CSMD1: variants seen among roughly 807,000 people sequenced by gnomAD.
CSMD1 encodes CUB and Sushi multiple domains 1, also known as CUB and sushi domain-containing protein 1.
A neutral mutation model predicts 417.5 loss-of-function variants in CSMD1; 213 were observed. The observed-to-expected ratio is 0.51, with a 90% CI of 0.46 to 0.57. The LOEUF is 0.57. Ranked by LOEUF, CSMD1 falls within the 20% of genes least tolerant of loss-of-function variation. CSMD1 has a pLI of 0.00. For missense variants in CSMD1, 6,923 were observed against 4,529.7 expected (o/e 1.53, Z -15.17); for synonymous variants, 2,862 against 1,736.8 (o/e 1.65, Z -16.11).
intron 10 of CSMD1, among the ~76,000 whole-genome samples, chr8:3,527,214 A>T (rs1797789057): frequency 6.6e-6 from 1 of 152,160 alleles, no homozygotes; most frequent in Non-Finnish European, 1.5e-5. Flanking sequence ...ATTTTCCACT[A>T]CTCAGAACCA....
chr8:4,806,033 G>A lies in CSMD1; in HGVS notation c.86-168475C>T, dbSNP rs1798566410. Among the ~76,000 whole-genome samples the A allele has an allele frequency of 1.3e-5, 2 of 152,136 alleles. 1 individual carries two copies. Among genetic ancestry groups the A allele is most frequent in the Non-Finnish European group, 2.9e-5 (2 of 68,024 alleles). On this transcript the variant is annotated intron_variant, in intron 1 of 69. Transcript: ENST00000635120. ...ATTATCTGAGTCCTCCCATGAAACA[G>A]ACAGTGAGATGACGGAAACCCGGAT...
chr8:4,308,002 A>C (rs1009950993), intron 3 of CSMD1, among the ~76,000 whole-genome samples: 9 of 152,142 alleles, frequency 5.9e-5, no homozygotes, highest in African/African-American at 1.9e-4. Context: ...GCTGGGATGT[A>C]AACAGTGATG....
intron 6 of CSMD1, among the ~76,000 whole-genome samples, chr8:3,752,936 C>A (rs1036481406): frequency 6.6e-6 from 1 of 152,250 alleles, no homozygotes; most frequent in Non-Finnish European, 1.5e-5. Flanking sequence ...GATATTTAGA[C>A]CAGTTTGTTG....
intron 1 of CSMD1, among the ~76,000 whole-genome samples, chr8:4,983,827 G>C (rs1043560103): frequency 3.2e-5 from 3 of 94,940 alleles, no homozygotes; most frequent in Non-Finnish European, 6.2e-5. Flanking sequence ...GGAGAGATTG[G>C]GTGATCAACA....
chr8:4,806,393 G>T (rs1286858647), intron 1 of CSMD1, among the ~76,000 whole-genome samples: 1 of 152,080 alleles, frequency 6.6e-6, no homozygotes. Flanking sequence ...GCCTGTGGAT[G>T]AAGCAAAGTT....
At chr8:4,969,887 A>C (rs1464661630) in intron 1 of CSMD1, among the ~76,000 whole-genome samples, 1 of 152,174 alleles carries the variant, frequency 6.6e-6, no homozygotes, top group Non-Finnish European at 1.5e-5. Context: ...CGAGTGTATC[A>C]AAATAAAGGT....
At chr8:3,191,334 T>C (rs974196712) in intron 33 of CSMD1, among the ~76,000 whole-genome samples, 4 of 152,132 alleles carry the variant, frequency 2.6e-5, no homozygotes, top group African/African-American at 9.7e-5. Flanking sequence ...CACATGTCTG[T>C]AATCCCAGCT....
chr8:3,588,409 C>T (rs760236659), intron 8 of CSMD1, among the ~76,000 whole-genome samples: 1 of 152,032 alleles, frequency 6.6e-6, no homozygotes, highest in Admixed American at 6.6e-5. Flanking sequence ...TTCAGTGTGG[C>T]CACTTCTTCA....
intron 1 of CSMD1, among the ~76,000 whole-genome samples, chr8:4,639,876 T>G (rs1803086934): frequency 6.6e-6 from 1 of 152,162 alleles, no homozygotes; most frequent in Non-Finnish European, 1.5e-5. Context: ...AAAAAGCCCA[T>G]TTTCCACTAA....
At chr8:4,973,021 T>A (rs1810334124) in intron 1 of CSMD1, among the ~76,000 whole-genome samples, 1 of 152,212 alleles carries the variant, frequency 6.6e-6, no homozygotes, top group South Asian at 2.1e-4. Context: ...ATATTTTATA[T>A]ATTTTAAAAG....
At chr8:3,556,451 TTGAGA>T (rs1394051880) in intron 10 of CSMD1, among the ~76,000 whole-genome samples, 1 of 138,852 alleles carries the variant, frequency 7.2e-6, no homozygotes, top group Non-Finnish European at 1.5e-5. Context: ...ATCCTGTGGG[TTGAGA>T]TAATTTGTTC....
chr8:3,641,645 G>C lies in CSMD1; in HGVS notation c.1010-24848C>G, dbSNP rs140451929. The stretch of plus-strand genomic sequence containing the variant: ...TTCTGAGAGAATACCAGCATTTATA[G>C]TCACGTAGGAATTTCAAATACAGCT... On this transcript the variant is annotated intron_variant, in intron 7 of 69. Coordinates refer to ENST00000635120, the MANE Select transcript of CSMD1 (RefSeq NM_033225.6). Among the ~76,000 whole-genome samples, 18 of 152,278 alleles carry C rather than the reference G, an allele frequency of 1.2e-4. No homozygotes were observed. In the East Asian group the frequency reaches 3.3e-3, roughly 28 times the overall value.
chr8:4,297,651 G>C (rs910831382), intron 3 of CSMD1, among the ~76,000 whole-genome samples: 1 of 152,096 alleles, frequency 6.6e-6, no homozygotes, highest in African/African-American at 2.4e-5. Context: ...TCACACTAGG[G>C]TTTGGATTTT....
intron 23 of CSMD1, among the ~76,000 whole-genome samples, chr8:3,331,216 C>A (rs916763564): frequency 4.4e-5 from 6 of 135,776 alleles, no homozygotes; most frequent in East Asian, 4.4e-4. Flanking sequence ...CCAGCCTGGC[C>A]GACAGAACGA....
chr8:3,116,984 A>G (rs973597752), intron 42 of CSMD1, among the ~76,000 whole-genome samples: 15 of 152,146 alleles, frequency 9.9e-5, no homozygotes, highest in Non-Finnish European at 2.9e-5. Context: ...TTTAAGTGCT[A>G]TTTTATATGT....
intron 54 of CSMD1, among the ~76,000 whole-genome samples, chr8:2,992,045 T>C (rs975578419): frequency 3.9e-5 from 6 of 152,258 alleles, no homozygotes; most frequent in African/African-American, 1.2e-4. Context: ...AAAATTTTAG[T>C]GTGTATGTAT....
intron 3 of CSMD1, among the ~76,000 whole-genome samples, chr8:4,214,400 C>G (rs112963725): frequency 6.6e-6 from 1 of 152,154 alleles, no homozygotes; most frequent in Non-Finnish European, 1.5e-5. Flanking sequence ...TGGATTCAAT[C>G]GATTCAAATG....
At chr8:3,821,009 C>T (rs1037439118) in intron 5 of CSMD1, among the ~76,000 whole-genome samples, 9 of 152,108 alleles carry the variant, frequency 5.9e-5, no homozygotes, top group South Asian at 2.1e-4. Context: ...CTCCACATCC[C>T]GGGTTCAAGC....
chr8:3,303,076 A>G (rs1207884101), intron 25 of CSMD1, among the ~76,000 whole-genome samples: 2 of 152,084 alleles, frequency 1.3e-5, no homozygotes, highest in African/African-American at 4.8e-5. Context: ...TTAAATTGTT[A>G]TTTCTTTGTA....
Sources: gnomAD v4.1 joint callset for allele counts (sites outside exome capture counted in the v4.1 genomes callset) on GRCh38, gnomAD v4.1.1 for gene constraint, MANE v1.5 for transcripts, NCBI Gene and HGNC (gene_info 2026-07-23, HGNC 2026-07-21) for gene names.